DLGAP1: variants seen among roughly 807,000 people sequenced by gnomAD.
The protein encoded by DLGAP1 is DLG associated protein 1, also known as disks large-associated protein 1.
Under a neutral mutation model 90.8 loss-of-function variants are expected in DLGAP1, and 11 were observed. That is an observed-to-expected ratio of 0.12 (90% CI 0.08 to 0.20). The LOEUF is 0.20. Among genes scored for constraint, DLGAP1 ranks in the 10% least tolerant of loss-of-function variants. The pLI is 1.00. For missense variants in DLGAP1, 1,050 were observed against 1,333.8 expected (o/e 0.79, Z 3.31); for synonymous variants, 558 against 540.7 (o/e 1.03, Z -0.44).
intron 1 of DLGAP1, among the ~76,000 whole-genome samples, chr18:4,234,499 C>T (rs2078364015): frequency 6.6e-6 from 1 of 152,110 alleles, no homozygotes; most frequent in Non-Finnish European, 1.5e-5. Flanking sequence ...AATGTATAAA[C>T]TCTTCTACCC....
chr18:3,635,253 C>T (rs2058666607), intron 7 of DLGAP1, among the ~76,000 whole-genome samples: 1 of 151,998 alleles, frequency 6.6e-6, no homozygotes, highest in Admixed American at 6.6e-5. Flanking sequence ...GCCTCAGCCT[C>T]CCGAGTAGCT....
At chr18:3,817,691 G>A (rs1033807336) in intron 4 of DLGAP1, among the ~76,000 whole-genome samples, 1 of 152,178 alleles carries the variant, frequency 6.6e-6, no homozygotes, top group Non-Finnish European at 1.5e-5. Context: ...TTAGAAGAAA[G>A]CATATAAAGT....
chr18:4,231,940 G>C (rs2078308047), intron 1 of DLGAP1, among the ~76,000 whole-genome samples: 1 of 152,040 alleles, frequency 6.6e-6, no homozygotes, highest in South Asian at 2.1e-4. Context: ...ATCCCTAATA[G>C]GTTAAGCCCA....
In DLGAP1 at chr18:3,542,816, G is replaced by A. The variant is rs149577616; in HGVS notation, c.2058-8201C>T. On this transcript the variant is annotated intron_variant, in intron 9 of 12. Transcript: ENST00000315677. Reference sequence around the variant, plus strand: ...ATATCTCACTTTAGGAAACGTAGCCGAGTTGGAATGGAGGCAGGAAGCCAG... The same window carrying A: ...ATATCTCACTTTAGGAAACGTAGCCAAGTTGGAATGGAGGCAGGAAGCCAG... Among the ~76,000 whole-genome samples the A allele has an allele frequency of 7.7e-3, 1,173 of 152,294 alleles. 6 individuals carry two copies. Among genetic ancestry groups the A allele is most frequent in the Middle Eastern group, 0.034 (10 of 294 alleles).
chr18:3,670,687 AT>A (rs760233631), intron 7 of DLGAP1, among the ~76,000 whole-genome samples: 7 of 152,210 alleles, frequency 4.6e-5, no homozygotes, highest in Non-Finnish European at 7.3e-5. Context: ...TTTATGAGAA[AT>A]TTCTAATTAA....
intron 2 of DLGAP1, among the ~76,000 whole-genome samples, chr18:4,097,708 T>C (rs1452513716): frequency 6.6e-6 from 1 of 152,252 alleles, no homozygotes; most frequent in Non-Finnish European, 1.5e-5. Flanking sequence ...TTTTGCTGCA[T>C]CATACAGCAG....
rs112377941 is a variant in DLGAP1, at chr18:4,413,533, T to A, written c.-267+41473A>T. Among the ~76,000 whole-genome samples, 152 of 152,334 alleles carry A rather than the reference T, an allele frequency of 1.0e-3. 1 individual carries two copies. Among genetic ancestry groups the A allele is most frequent in the African/African-American group, 3.5e-3 (147 of 41,586 alleles). On this transcript the variant is annotated intron_variant, in intron 1 of 12. Coordinates refer to ENST00000315677, the MANE Select transcript of DLGAP1 (RefSeq NM_004746.4). ...TCCCCTACTCCCTTACGGGCTATTC[T>A]GCCACGAGGGCTCCCCAGTCAACTT...
chr18:4,068,716 T>C (rs551362443), intron 2 of DLGAP1, among the ~76,000 whole-genome samples: 1 of 152,316 alleles, frequency 6.6e-6, no homozygotes, highest in East Asian at 1.9e-4. Flanking sequence ...GAGAAGCAGC[T>C]AGGTTAGCCG....
intron 1 of DLGAP1, among the ~76,000 whole-genome samples, chr18:4,202,067 C>A (rs1244523671): frequency 6.6e-6 from 1 of 151,916 alleles, no homozygotes; most frequent in African/African-American, 2.4e-5. Flanking sequence ...AATATGAAAT[C>A]AACCGAAGTG....
intron 4 of DLGAP1, among the ~76,000 whole-genome samples, chr18:3,860,162 T>C (rs1320955720): frequency 6.6e-6 from 1 of 151,882 alleles, no homozygotes; most frequent in African/African-American, 2.4e-5. Flanking sequence ...CATTTTGTTA[T>C]TGCAGCCATA....
chr18:3,709,052 C>T (rs2147204323), intron 7 of DLGAP1, among the ~76,000 whole-genome samples: 1 of 152,282 alleles, frequency 6.6e-6, no homozygotes, highest in East Asian at 1.9e-4. Context: ...CAAATATTTA[C>T]TGAGTATTTA....
chr18:3,589,940 C>A (rs192235644), intron 7 of DLGAP1, among the ~76,000 whole-genome samples: 1 of 152,192 alleles, frequency 6.6e-6, no homozygotes, highest in Non-Finnish European at 1.5e-5. Context: ...GACAGAGTTT[C>A]GCTCTTGTTG....
At chr18:4,101,690 T>G (rs1429915729) in intron 2 of DLGAP1, among the ~76,000 whole-genome samples, 1 of 152,180 alleles carries the variant, frequency 6.6e-6, no homozygotes, top group Non-Finnish European at 1.5e-5. Context: ...CTTTATTCTA[T>G]TTCTCCCTTG....
intron 2 of DLGAP1, among the ~76,000 whole-genome samples, chr18:4,149,141 A>G (rs942988163): frequency 3.3e-5 from 5 of 152,218 alleles, no homozygotes; most frequent in African/African-American, 1.2e-4. Context: ...TAACAAATAC[A>G]GCTATAATTA....
chr18:4,159,878 T>G (rs894118400), intron 1 of DLGAP1, among the ~76,000 whole-genome samples: 2 of 152,210 alleles, frequency 1.3e-5, no homozygotes, highest in African/African-American at 4.8e-5. Flanking sequence ...TCTCTTATCC[T>G]TATATCTCAG....
chr18:4,393,852 A>G (rs1389330659), intron 1 of DLGAP1, among the ~76,000 whole-genome samples: 1 of 152,204 alleles, frequency 6.6e-6, no homozygotes. Context: ...CGTTCAACCT[A>G]GATCCCTCGC....
chr18:3,510,729 G>T (rs1297010753), intron 10 of DLGAP1, among the ~76,000 whole-genome samples: 2 of 152,174 alleles, frequency 1.3e-5, no homozygotes, highest in African/African-American at 4.8e-5. Context: ...GGGAGCTATC[G>T]CAGAAACTCC....
At chr18:3,763,003 A>C (rs1308654634) in intron 5 of DLGAP1, among the ~76,000 whole-genome samples, 2 of 152,210 alleles carry the variant, frequency 1.3e-5, no homozygotes, top group African/African-American at 4.8e-5. Context: ...TTTGGATTGC[A>C]TGGTGTGATG....
intron 1 of DLGAP1, among the ~76,000 whole-genome samples, chr18:4,300,114 G>A (rs190276415): frequency 0.011 from 1,677 of 152,150 alleles, 15 homozygotes; most frequent in Non-Finnish European, 0.018. Flanking sequence ...AGCATATAGA[G>A]AAATACTTGA....
Sources: gnomAD v4.1 joint callset for allele counts (sites outside exome capture counted in the v4.1 genomes callset) on GRCh38, gnomAD v4.1.1 for gene constraint, MANE v1.5 for transcripts, NCBI Gene and HGNC (gene_info 2026-07-23, HGNC 2026-07-21) for gene names.